AKAIN1: variants seen among roughly 807,000 people sequenced by gnomAD.
The protein encoded by AKAIN1 is A-kinase anchor inhibitor 1, also known as A-kinase anchor protein inhibitor 1.
AKAIN1 carries 3 observed loss-of-function variants against 3.7 expected under a neutral mutation model. The observed-to-expected ratio is 0.82, with a 90% CI of 0.37 to 2.12. AKAIN1 has a LOEUF of 2.12. Among genes scored for constraint, AKAIN1 ranks in the 30% most tolerant of loss-of-function variants. The probability of loss-of-function intolerance (pLI) is 0.06; values close to 1 mark genes in which losing one functional copy is unlikely to be tolerated. For missense variants in AKAIN1, 82 were observed against 82.7 expected, an observed-to-expected ratio of 0.99 and a Z score of 0.03; for synonymous variants, 31 against 30.8, an observed-to-expected ratio of 1.01 and a Z score of -0.02.
chr18:5,167,620 A>G (rs1387912738), intron 1 of AKAIN1, among the ~76,000 whole-genome samples: 1 of 152,086 alleles, frequency 6.6e-6, no homozygotes, highest in Non-Finnish European at 1.5e-5. Flanking sequence ...GCAGACTCTC[A>G]TGAGCCATTA....
At chr18:5,152,070 GA>G (rs1478693757) in intron 1 of AKAIN1, among the ~76,000 whole-genome samples, 1 of 152,152 alleles carries the variant, frequency 6.6e-6, no homozygotes, top group African/African-American at 2.4e-5. Context: ...GGAGCATGGG[GA>G]GCATACTGAA....
chr18:5,148,293 C>T (rs990028287), intron 1 of AKAIN1, among the ~76,000 whole-genome samples: 3 of 152,222 alleles, frequency 2.0e-5, no homozygotes, highest in African/African-American at 7.2e-5. Context: ...AGGACTCTAA[C>T]TTCCTTACAT....
rs561364357 is a variant in AKAIN1 at position 5,183,387 on chromosome 18, T to C, written c.16+13651A>G. Among the ~76,000 whole-genome samples, 16 of 152,172 alleles carry C rather than the reference T, an allele frequency of 1.1e-4. No individual in the cohort carries two copies. In the South Asian group the frequency reaches 3.3e-3, roughly 32 times the overall value. Reference sequence around the variant, plus strand: ...TGATACTGTGAGTGATTTTTATATTTTAATTTGGTTAATTATGCTTTCTAA... The same window carrying C: ...TGATACTGTGAGTGATTTTTATATTCTAATTTGGTTAATTATGCTTTCTAA... On this transcript the variant is annotated intron_variant, in intron 1 of 1. Transcript: ENST00000434239.
At chr18:5,185,877 G>T (rs1251486395) in intron 1 of AKAIN1, among the ~76,000 whole-genome samples, 1 of 152,134 alleles carries the variant, frequency 6.6e-6, no homozygotes, top group Non-Finnish European at 1.5e-5. Context: ...ACACATGCAG[G>T]TGTATGTTTA....
At chr18:5,151,965 C>A (rs1361050681) in intron 1 of AKAIN1, among the ~76,000 whole-genome samples, 1 of 152,164 alleles carries the variant, frequency 6.6e-6, no homozygotes, top group Non-Finnish European at 1.5e-5. Context: ...CAGTCATAGT[C>A]CCTACCCTAT....
upstream of AKAIN1, chr18:5,197,453 T>A: frequency 8.1e-7 from 1 of 1,229,662 alleles, no homozygotes; most frequent in Non-Finnish European, 1.0e-6. This position sits in a 1 kb window ranked among gnomAD's most constrained non-coding sequence, Gnocchi z 6.9. Flanking sequence ...TTTAATTACC[T>A]GCTGTGGCTC....
chr18:5,165,192 T>G (rs1199124377), intron 1 of AKAIN1, among the ~76,000 whole-genome samples: 1 of 151,936 alleles, frequency 6.6e-6, no homozygotes, highest in African/African-American at 2.4e-5. Flanking sequence ...AAACATTCTA[T>G]TGGAATGTTT....
chr18:5,157,058 T>G (rs1418210393), intron 1 of AKAIN1, among the ~76,000 whole-genome samples: 2 of 152,224 alleles, frequency 1.3e-5, no homozygotes, highest in African/African-American at 4.8e-5. Flanking sequence ...CTAAGATTTT[T>G]TACAATTTTT....
intron 1 of AKAIN1, among the ~76,000 whole-genome samples, chr18:5,174,609 C>T (rs571849039): frequency 8.5e-5 from 13 of 152,134 alleles, no homozygotes; most frequent in African/African-American, 1.7e-4. Flanking sequence ...AGCATGGTGG[C>T]GTGCCCTTAC....
At position 5,176,362 on chromosome 18, in the gene AKAIN1, C is replaced by T. The variant is rs140353985; in HGVS notation, c.16+20676G>A. The stretch of plus-strand genomic sequence containing the variant: ...AGCTGAGGCAGGAGAATCGCTTGAG[C>T]CTGGGAGGTGGAGATTGCAGTAAGC... On this transcript the variant is annotated intron_variant, in intron 1 of 1. Coordinates refer to ENST00000434239, the MANE Select transcript of AKAIN1 (RefSeq NM_001145194.2). 4.9e-3 allele frequency among the ~76,000 whole-genome samples: 741 copies of T among 152,144 alleles called. 3 individuals carry two copies. The highest frequency in any genetic ancestry group is 7.9e-3 in the Non-Finnish European group (536 of 68,006).
At chr18:5,151,691 T>C (rs1047742770) in intron 1 of AKAIN1, among the ~76,000 whole-genome samples, 7 of 152,186 alleles carry the variant, frequency 4.6e-5, no homozygotes, top group African/African-American at 1.2e-4. Flanking sequence ...CTACCTACAA[T>C]GGCCAGTCAC....
chr18:5,162,370 C>A (rs1175970227), intron 1 of AKAIN1, among the ~76,000 whole-genome samples: 2 of 152,042 alleles, frequency 1.3e-5, no homozygotes, highest in African/African-American at 2.4e-5. Context: ...TACCTGGAGT[C>A]ATTTCAACTT....
At chr18:5,167,749 C>T (rs2071174932) in intron 1 of AKAIN1, among the ~76,000 whole-genome samples, 1 of 151,912 alleles carries the variant, frequency 6.6e-6, no homozygotes, top group Admixed American at 6.6e-5. Flanking sequence ...GTATAGACAC[C>T]ATGTTTACTT....
chr18:5,177,766 C>G (rs969043832), intron 1 of AKAIN1, among the ~76,000 whole-genome samples: 5 of 152,106 alleles, frequency 3.3e-5, no homozygotes, highest in Non-Finnish European at 5.9e-5. Flanking sequence ...TGATAATATA[C>G]TTACCTCAAT....
At chr18:5,182,263 T>C (rs1045046108) in intron 1 of AKAIN1, among the ~76,000 whole-genome samples, 1 of 152,146 alleles carries the variant, frequency 6.6e-6, no homozygotes, top group African/African-American at 2.4e-5. Flanking sequence ...ATCAACTCTT[T>C]AGCTCCTAAC....
chr18:5,167,026 A>G (rs1162911779), intron 1 of AKAIN1, among the ~76,000 whole-genome samples: 1 of 152,074 alleles, frequency 6.6e-6, no homozygotes, highest in Non-Finnish European at 1.5e-5. Flanking sequence ...TGATACATGA[A>G]GGACATTACT....
chr18:5,163,540 T>C (rs1427856416), intron 1 of AKAIN1: 2 of 152,214 alleles, frequency 1.3e-5, no homozygotes, highest in South Asian at 2.1e-4. Flanking sequence ...GTGGAAAATA[T>C]TCAAATTCTA....
rs574190064 is a variant in AKAIN1 at position 5,191,893 on chromosome 18, C to G, written c.16+5145G>C. Among the ~76,000 whole-genome samples, 12 of 152,202 alleles carry G rather than the reference C, an allele frequency of 7.9e-5. No homozygotes were observed. In the South Asian group the frequency reaches 1.2e-3, roughly 16 times the overall value. Reference sequence around the variant, plus strand: ...AAATTCATTCATATTTCATATATATCTTATGCACATAGCCTATACGCATAT... The same window carrying G: ...AAATTCATTCATATTTCATATATATGTTATGCACATAGCCTATACGCATAT... On this transcript the variant is annotated intron_variant, in intron 1 of 1. Transcript: ENST00000434239.
At chr18:5,147,496 T>C (rs111969152) in intron 1 of AKAIN1, among the ~76,000 whole-genome samples, 7 of 152,310 alleles carry the variant, frequency 4.6e-5, no homozygotes, top group African/African-American at 1.7e-4. Context: ...AATAATCTTT[T>C]TGGATATTTC....
Sources: gnomAD v4.1 joint callset for allele counts (sites outside exome capture counted in the v4.1 genomes callset) on GRCh38, gnomAD v4.1.1 for gene constraint, Gnocchi (gnomAD v3.1) non-coding constraint, MANE v1.5 for transcripts, NCBI Gene and HGNC (gene_info 2026-07-23, HGNC 2026-07-21) for gene names.